The following COG7 variants were observed in gnomAD, a reference collection of about 807,000 sequenced individuals.
COG7 encodes component of oligomeric golgi complex 7, also known as conserved oligomeric Golgi complex subunit 7.
In COG7, 49 loss-of-function variants were observed where a neutral mutation model predicts 91.5. That is an observed-to-expected ratio of 0.54 (90% CI 0.43 to 0.68). The LOEUF is 0.68. Among genes scored for constraint, COG7 ranks in the 30% least tolerant of loss-of-function variants. The pLI, the probability that COG7 is intolerant of heterozygous loss-of-function variation, is 0.00. For synonymous variants in COG7, 365 were observed against 388.7 expected (o/e 0.94, Z 0.72); for missense variants, 895 against 961.3 (o/e 0.93, Z 0.91).
chr16:23,443,747 G>C lies in COG7; in HGVS notation c.436-1102C>G, dbSNP rs1031893257. Among the ~76,000 whole-genome samples the C allele has an allele frequency of 7.2e-5, 11 of 152,198 alleles. No homozygotes were observed. The East Asian group carries it at 2.1e-3, about 29-fold the overall frequency. On this transcript the variant is annotated intron_variant, in intron 3 of 16. Transcript: ENST00000307149. ...GAGTGAAAAAATAAAGTGAAAAGCA[G>C]TGTTCACAATGAGCTTTGTGAGGAA...
intron 3 of COG7, among the ~76,000 whole-genome samples, chr16:23,443,673 C>T (rs887475604): frequency 1.3e-5 from 2 of 151,910 alleles, no homozygotes; most frequent in African/African-American, 4.8e-5. Context: ...GCCTGGGCAA[C>T]AGAGCAAGAC....
intron 3 of COG7, among the ~76,000 whole-genome samples, chr16:23,443,140 A>G (rs1023224066): frequency 6.6e-6 from 1 of 152,226 alleles, no homozygotes; most frequent in African/African-American, 2.4e-5. Flanking sequence ...AAATTATAAT[A>G]GCTATTGTTG....
intron 1 of COG7, 178 bp downstream of exon 1, chr16:23,452,648 C>G (rs1964282568): frequency 2.1e-6 from 3 of 1,407,322 alleles, no homozygotes; most frequent in East Asian, 2.5e-5. Flanking sequence ...TTCAAGACAG[C>G]CCGGCACCCA....
chr16:23,411,502 A>AT (rs906448967), intron 10 of COG7, among the ~76,000 whole-genome samples: 1 of 152,090 alleles, frequency 6.6e-6, no homozygotes, highest in Non-Finnish European at 1.5e-5. Context: ...AGAACATTAC[A>AT]TTTTTTTTAA....
intron 8 of COG7, chr16:23,417,413 T>C (rs898901588): frequency 2.8e-5 from 12 of 435,714 alleles, no homozygotes; most frequent in Non-Finnish European, 5.1e-5. Flanking sequence ...TAAGATGGCA[T>C]CTCTTCCTCT....
Position 23,392,534 on chromosome 16 carries a change from AAGG to A in COG7, c.2003-14_2003-12del, listed in dbSNP as rs1412438092. 3 of 1,614,184 alleles carry A rather than the reference AAGG, an allele frequency of 1.9e-6. No individual in the cohort carries two copies. The highest frequency in any genetic ancestry group is 1.7e-5 in the Admixed American group (1 of 60,014). The stretch of plus-strand genomic sequence containing the variant: ...CGGGCAATTCATCCCCTGAAAAGAA[AAGG>A]AGGTCACCAAGGAAAACACAGGCCT... On this transcript the variant is annotated splice_polypyrimidine_tract_variant and intron_variant, in intron 15 of 16. Transcript: ENST00000307149.
chr16:23,421,964 A>G (rs567890021), intron 7 of COG7, among the ~76,000 whole-genome samples: 49 of 152,296 alleles, frequency 3.2e-4, no homozygotes, highest in African/African-American at 1.1e-3. Context: ...AGGCTCAAAA[A>G]CTAATGTATA....
At chr16:23,389,993 T>C (rs757918093) in intron 16 of COG7, 22 of 152,086 alleles carry the variant, frequency 1.4e-4, no homozygotes, top group Non-Finnish European at 2.9e-4. Context: ...TCCGGCAGCA[T>C]GGATAGGGGA....
intron 11 of COG7, among the ~76,000 whole-genome samples, chr16:23,407,341 C>T (rs1963479009): frequency 6.6e-6 from 1 of 152,194 alleles, no homozygotes; most frequent in Non-Finnish European, 1.5e-5. Flanking sequence ...GCCTTACTTC[C>T]AGTCTTCACT....
intron 6 of COG7, 83 bp from the exon 7 acceptor site, chr16:23,425,030 C>T (rs1963823354): frequency 4.1e-6 from 5 of 1,207,828 alleles, no homozygotes; most frequent in East Asian, 2.5e-5. Context: ...TTTTGAGATG[C>T]CAGGCACGGT....
intron 13 of COG7, among the ~76,000 whole-genome samples, chr16:23,398,590 G>C (rs921248942): frequency 6.6e-6 from 1 of 152,130 alleles, no homozygotes; most frequent in South Asian, 2.1e-4. Context: ...CAGAGGCCAC[G>C]TGTCAGTCTC....
chr16:23,411,642 G>C (rs184289680), intron 10 of COG7, among the ~76,000 whole-genome samples: 11 of 152,314 alleles, frequency 7.2e-5, no homozygotes, highest in African/African-American at 2.6e-4. Flanking sequence ...ATCCAGAACA[G>C]AGCCTGTGAG....
intron 16 of COG7, among the ~76,000 whole-genome samples, chr16:23,390,842 G>A (rs754810534): frequency 1.5e-4 from 23 of 152,236 alleles, no homozygotes; most frequent in East Asian, 3.9e-4. Flanking sequence ...CAAAGGTGCC[G>A]CCAGGCACGT....
At chr16:23,394,398 A>G (rs1022720222) in intron 14 of COG7, among the ~76,000 whole-genome samples, 16 of 152,146 alleles carry the variant, frequency 1.1e-4, no homozygotes, top group African/African-American at 3.9e-4. Context: ...ATTGTAATTC[A>G]TTGTTTTGTG....
At chr16:23,397,433 G>C (rs1020273895) in intron 14 of COG7, among the ~76,000 whole-genome samples, 1 of 152,174 alleles carries the variant, frequency 6.6e-6, no homozygotes, top group East Asian at 1.9e-4. Context: ...ACTGCAGGAA[G>C]TAACGGAAGG....
chr16:23,392,563 G>A, intron 15 of COG7, 40 bp from the exon 16 acceptor site: 1 of 1,613,390 alleles, frequency 6.2e-7, no homozygotes. Flanking sequence ...ACACAGGCCT[G>A]CAGTAGCTGC....
At chr16:23,409,088 T>TGCGCGC (rs1555493328) in intron 11 of COG7, among the ~76,000 whole-genome samples, 52 of 147,882 alleles carry the variant, frequency 3.5e-4, no homozygotes, top group Admixed American at 8.0e-4. Flanking sequence ...TGTGTGTGTG[T>TGCGCGC]GCGTGCATGT....
intron 1 of COG7, 43 bp from the exon 2 acceptor site, chr16:23,446,004 G>A (rs1476764851): frequency 6.3e-7 from 1 of 1,589,680 alleles, no homozygotes; most frequent in Non-Finnish European, 8.5e-7. Flanking sequence ...AACAGCGATA[G>A]CCACAAAAGG....
At chr16:23,415,636 C>T (rs1016891772) in intron 9 of COG7, 1 of 152,218 alleles carries the variant, frequency 6.6e-6, no homozygotes, top group Non-Finnish European at 1.5e-5. Flanking sequence ...CAGAGAGGAA[C>T]ACTACCATCT....
Sources: gnomAD v4.1 joint callset for allele counts (sites outside exome capture counted in the v4.1 genomes callset) on GRCh38, gnomAD v4.1.1 for gene constraint, MANE v1.5 for transcripts, NCBI Gene and HGNC (gene_info 2026-07-23, HGNC 2026-07-21) for gene names.